Variants in NUB1 observed in about 807,000 individuals in gnomAD.
NUB1 encodes the protein negative regulator of ubiquitin like proteins 1.
NUB1 carries 41 observed loss-of-function variants against 77.1 expected under a neutral mutation model. The observed-to-expected ratio is 0.53, with a 90% confidence interval of 0.41 to 0.69. NUB1 has a LOEUF of 0.69. Among genes scored for constraint, NUB1 ranks in the 30% least tolerant of loss-of-function variants. The probability of loss-of-function intolerance (pLI) is 0.00; values close to 1 mark genes in which losing one functional copy is unlikely to be tolerated. For synonymous variants in NUB1, 257 were observed against 281.0 expected, an observed-to-expected ratio of 0.91 and a Z score of 0.85; for missense variants, 643 against 743.8, an observed-to-expected ratio of 0.86 and a Z score of 1.58.
At chr7:151,344,868 C>CAG (rs1554405724) in intron 1 of NUB1, among the ~76,000 whole-genome samples, 1 of 151,536 alleles carries the variant, frequency 6.6e-6, no homozygotes, top group Non-Finnish European at 1.5e-5. Flanking sequence ...GGCGTGGTGG[C>CAG]GCATGCCTGT....
chr7:151,357,591 T>G (rs1797140044), intron 7 of NUB1, among the ~76,000 whole-genome samples: 1 of 150,930 alleles, frequency 6.6e-6, no homozygotes, highest in African/African-American at 2.5e-5. Flanking sequence ...TTACTCTGTT[T>G]AAAATTAAAG....
intron 7 of NUB1, 35 bp downstream of exon 7, chr7:151,356,257 G>C: frequency 1.3e-6 from 2 of 1,492,680 alleles, no homozygotes; most frequent in Non-Finnish European, 1.9e-6. Flanking sequence ...CCTGTTCTTA[G>C]ATTTGTTGTC....
rs1266802421 is a variant in NUB1 at position 151,345,349 on chromosome 7, G to A, written c.-1G>A. ...ATTAATGTATTGTTTTGCTTTCAGG[G>A]ATGGCACAAAAGAAATATCTTCAAG... On this transcript the variant is annotated splice_region_variant and 5_prime_UTR_variant, in exon 2 of 15. Coordinates refer to ENST00000568733, the MANE Select transcript of NUB1 (RefSeq NM_001243351.2). 7 of 1,593,202 alleles carry A rather than the reference G, an allele frequency of 4.4e-6. No homozygotes were observed. The highest frequency in any genetic ancestry group is 1.7e-5 in the Admixed American group (1 of 58,846).
chr7:151,367,218 T>C, intron 9 of NUB1, 93 bp downstream of exon 9: 1 of 1,020,748 alleles, frequency 9.8e-7, no homozygotes, highest in Admixed American at 2.2e-5. Flanking sequence ...TGCCAGAAGG[T>C]AATTTCATTT....
chr7:151,353,498 C>T (rs1446549623), intron 5 of NUB1, among the ~76,000 whole-genome samples: 1 of 152,082 alleles, frequency 6.6e-6, no homozygotes, highest in Non-Finnish European at 1.5e-5. Flanking sequence ...TGTGCAATGC[C>T]CAGAACAGGC....
intron 12 of NUB1, chr7:151,374,547 G>A: frequency 2.2e-6 from 1 of 454,660 alleles, no homozygotes; most frequent in Non-Finnish European, 4.0e-6. Context: ...AGTGAAACAG[G>A]CAGTTTCCAC....
Position 151,349,068 on chromosome 7 carries a change from G to A in NUB1, c.118-5G>A. 6.3e-7 allele frequency: 1 copy of A among 1,591,122 alleles called. No homozygotes were observed. Among genetic ancestry groups the A allele is most frequent in the Middle Eastern group, 1.7e-4 (1 of 5,740 alleles). ...AGTATTGCATTTTCTGATTTTTCTT[G>A]ATAGGACCTTGCTAAGCAGTACTCT... On this transcript the variant is annotated splice_polypyrimidine_tract_variant and splice_region_variant and intron_variant, in intron 2 of 14. Coordinates refer to ENST00000568733, the MANE Select transcript of NUB1 (RefSeq NM_001243351.2).
Position 151,377,245 on chromosome 7 carries a change from C to T in NUB1, c.*20C>T. On this transcript the variant is annotated 3_prime_UTR_variant, in exon 15 of 15. Transcript: ENST00000568733. ...AACTAAATAATGAACAGAAATAGCG[C>T]TAATTTTCTGCTTATAAATGCTATC... The T allele has an allele frequency of 6.8e-7, 1 of 1,467,290 alleles. No homozygotes were observed. The allele number at this position is 1,467,290 out of a possible 1,614,324, so 90.9% of individuals were successfully genotyped here. A position where few individuals can be genotyped will look rare whatever the true frequency, so the allele number is the denominator to read the frequency against.
chr7:151,376,068 G>C, intron 13 of NUB1, 125 bp downstream of exon 13: 1 of 702,662 alleles, frequency 1.4e-6, no homozygotes, highest in Non-Finnish European at 2.6e-6. Flanking sequence ...CCAGGCTCCA[G>C]GTGTAACCTG....
At chr7:151,357,395 A>T (rs533680578) in intron 7 of NUB1, among the ~76,000 whole-genome samples, 20 of 152,130 alleles carry the variant, frequency 1.3e-4, no homozygotes, top group Middle Eastern at 3.4e-3. Flanking sequence ...AAGTTCTGGG[A>T]TTACAGGTGT....
intron 7 of NUB1, 27 bp from the exon 8 acceptor site, chr7:151,360,114 G>A (rs1482746856): frequency 8.7e-7 from 1 of 1,145,944 alleles, no homozygotes; most frequent in Non-Finnish European, 1.3e-6. Context: ...TTAAAGTGAT[G>A]TTTTTTAAAT....
At chr7:151,367,801 A>G in intron 9 of NUB1, 60 bp from the exon 10 acceptor site, 1 of 1,061,200 alleles carries the variant, frequency 9.4e-7, no homozygotes, top group Non-Finnish European at 1.4e-6. Flanking sequence ...AGAGATGAGT[A>G]TTATAGACCT....
chr7:151,372,210 A>G (rs6963048), intron 11 of NUB1, among the ~76,000 whole-genome samples: 15,804 of 152,204 alleles, frequency 0.1, 1,214 homozygotes, highest in East Asian at 0.34. Context: ...TTGAGATCTG[A>G]TTCTACTTAA....
At chr7:151,368,340 GAT>G (rs1396124090) in intron 10 of NUB1, among the ~76,000 whole-genome samples, 1 of 152,220 alleles carries the variant, frequency 6.6e-6, no homozygotes, top group African/African-American at 2.4e-5. Context: ...CCACTGGAGA[GAT>G]GACCCCGCAG....
chr7:151,360,511 C>G, intron 8 of NUB1: 1 of 339,838 alleles, frequency 2.9e-6, no homozygotes, highest in Non-Finnish European at 5.3e-6. Flanking sequence ...TCGGAACTTT[C>G]CATTATAAAG....
chr7:151,345,639 AT>A, intron 2 of NUB1, among the ~76,000 whole-genome samples, 173 bp downstream of exon 2: 1 of 152,190 alleles, frequency 6.6e-6, no homozygotes. Context: ...GTTCATTAAT[AT>A]TTTATTCACA....
intron 7 of NUB1, among the ~76,000 whole-genome samples, chr7:151,357,627 T>C (rs886334952): frequency 4.0e-5 from 6 of 151,376 alleles, no homozygotes; most frequent in Non-Finnish European, 7.4e-5. Context: ...TTTTTTTTCT[T>C]GAAAAGGAGT....
intron 11 of NUB1, among the ~76,000 whole-genome samples, chr7:151,370,093 A>G (rs1229373298): frequency 1.3e-5 from 2 of 150,658 alleles, no homozygotes; most frequent in Non-Finnish European, 3.0e-5. Flanking sequence ...TGAAAAGCTG[A>G]GTTCTTTTTT....
chr7:151,360,101 A>G lies in NUB1; in HGVS notation c.694-40A>G, dbSNP rs1475078165. On this transcript the variant is annotated intron_variant, in intron 7 of 14. Transcript: ENST00000568733. ...CTTTTAATATAATTTGCCTTATTATATTTTAAAGTGATGTTTTTTAAATTT... is the reference window on the plus strand; with the variant it reads ...CTTTTAATATAATTTGCCTTATTATGTTTTAAAGTGATGTTTTTTAAATTT... The G allele has an allele frequency of 1.1e-5, 11 of 977,110 alleles. No individual in the cohort carries two copies. The South Asian group carries it at 1.7e-4, about 15-fold the overall frequency. The allele number at this position is 977,110 out of a possible 1,614,324, so 60.5% of individuals were successfully genotyped here.
Sources: gnomAD v4.1 joint callset for allele counts (sites outside exome capture counted in the v4.1 genomes callset) on GRCh38, gnomAD v4.1.1 for gene constraint, MANE v1.5 for transcripts, NCBI Gene and HGNC (gene_info 2026-07-23, HGNC 2026-07-21) for gene names.